SIGIRR: variants seen among roughly 807,000 people sequenced by gnomAD.
SIGIRR encodes the protein single Ig IL-1-related receptor.
Under a neutral mutation model 45.6 loss-of-function variants are expected in SIGIRR, and 41 were observed. The observed-to-expected ratio is 0.90, with a 90% CI of 0.70 to 1.17. SIGIRR has a LOEUF of 1.17. Ranked by LOEUF, SIGIRR falls within the 50% of genes most tolerant of loss-of-function variation. SIGIRR has a pLI of 0.00. For missense variants in SIGIRR, 599 were observed against 539.6 expected (o/e 1.11, Z -1.09); for synonymous variants, 298 against 239.0 (o/e 1.25, Z -2.28).
chr11:407,788 C>G (rs1220945063), intron 5 of SIGIRR, 29 bp downstream of exon 5: 1 of 1,611,552 alleles, frequency 6.2e-7, no homozygotes, highest in East Asian at 2.2e-5. Context: ...GTGGCGACCC[C>G]TCCTCGCGCC....
intron 8 of SIGIRR, 81 bp from the exon 9 acceptor site, chr11:406,619 G>A: frequency 6.7e-7 from 1 of 1,486,672 alleles, no homozygotes; most frequent in Non-Finnish European, 8.9e-7. Context: ...GCACACCTGC[G>A]GCTGCCCACG....
upstream of SIGIRR, among the ~76,000 whole-genome samples, chr11:415,685 G>GA (rs1847863069): frequency 1.3e-5 from 2 of 152,230 alleles, no homozygotes; most frequent in African/African-American, 4.8e-5. The surrounding 1 kb of genome is among the most constrained non-coding windows in gnomAD (Gnocchi z 6.6). Flanking sequence ...GCTGGGGTGG[G>GA]AGGGCAGCGC....
chr11:409,291 C>T (rs1305877181), intron 2 of SIGIRR: 2 of 371,926 alleles, frequency 5.4e-6, no homozygotes, highest in African/African-American at 4.2e-5. Context: ...TCAGCCTGGC[C>T]TGCCTCTGCT....
chr11:409,341 GA>G (rs1847488582), intron 2 of SIGIRR: 2 of 315,206 alleles, frequency 6.3e-6, no homozygotes, highest in Admixed American at 4.3e-5. Context: ...TGGGTTTGGG[GA>G]CCCAGATGCC....
chr11:406,290 C>A, intron 9 of SIGIRR, 59 bp downstream of exon 9: 1 of 1,579,034 alleles, frequency 6.3e-7, no homozygotes, highest in Admixed American at 1.8e-5. Context: ...CCTGTGCCTG[C>A]CCCCACTCCG....
chr11:405,828 T>C lies in SIGIRR; in HGVS notation c.*68A>G. 2 of 1,503,590 alleles carry C rather than the reference T, an allele frequency of 1.3e-6. No homozygotes were observed. Among genetic ancestry groups the C allele is most frequent in the South Asian group, 2.5e-5 (2 of 78,972 alleles). The allele number at this position is 1,503,590 out of a possible 1,614,324, so 93.1% of individuals were successfully genotyped here. The stretch of plus-strand genomic sequence containing the variant: ...CTGCTGGCAGGGGTTGTGGTCCTGT[T>C]GAGCAGAGGAGCGACGCCGCTGCCC... On this transcript the variant is annotated 3_prime_UTR_variant, in exon 10 of 10. Transcript: ENST00000431843.
In SIGIRR at chr11:414,815, G is replaced by A. The variant is rs1301071080; in HGVS notation, c.-154+8C>T. The A allele has an allele frequency of 1.2e-5, 12 of 985,412 alleles. No homozygotes were observed. The highest frequency in any genetic ancestry group is 1.4e-5 in the Non-Finnish European group (12 of 830,018). The allele number at this position is 985,412 out of a possible 1,614,324, so 61.0% of individuals were successfully genotyped here. A position where few individuals can be genotyped will look rare whatever the true frequency, so the allele number is the denominator to read the frequency against. ...AGGCTCACTCAGAGCAGCGGGGAAG[G>A]CAGTCACCTGGTTCCAGTTCTTTCC... On this transcript the variant is annotated splice_region_variant and intron_variant, in intron 1 of 9. Coordinates refer to ENST00000431843, the MANE Select transcript of SIGIRR (RefSeq NM_001135054.2).
Position 408,188 on chromosome 11 carries a change from T to G in SIGIRR, c.225A>C (p.Ser75=). The G allele has an allele frequency of 6.2e-7, 1 of 1,612,634 alleles. No homozygotes were observed. Among genetic ancestry groups the G allele is most frequent in the Non-Finnish European group, 8.5e-7 (1 of 1,179,918 alleles). The change falls in exon 4 of 10, where the codon TCA becomes TCC. Residue 75 remains serine (S), a synonymous_variant. Coordinates refer to ENST00000431843, the MANE Select transcript of SIGIRR (RefSeq NM_001135054.2). ...HEYSWVKANL[S]EVLVSSVLGV... is the part of the protein sequence containing the mutation. Reference sequence around the variant, plus strand: ...CCAGGACACTGGACACAAGCACCTCTGACAGGTTGGCCTTGACCCTGGGGA... The same window carrying G: ...CCAGGACACTGGACACAAGCACCTCGGACAGGTTGGCCTTGACCCTGGGGA...
chr11:408,112 G>C lies in SIGIRR; in HGVS notation c.301C>G (p.Gln101Glu), dbSNP rs762656806. Residue 101 changes from glutamine to glutamate, a missense_variant, in exon 4 of 10, where the codon CAG (glutamine) becomes GAG (glutamate). By Grantham distance (29) the Gln-to-Glu change is conservative. Coordinates refer to ENST00000431843, the MANE Select transcript of SIGIRR (RefSeq NM_001135054.2). ...EVYGAFTCSI[Q>E]NISFSSFTLQ... ...GTGAAGGAGGAGAAGCTGATGTTCTGGATGGAGCAGGTGAAGGCCCCATAG... is the reference window on the plus strand; with the variant it reads ...GTGAAGGAGGAGAAGCTGATGTTCTCGATGGAGCAGGTGAAGGCCCCATAG... 2.5e-6 allele frequency: 4 copies of C among 1,612,830 alleles called. No homozygotes were observed. Among genetic ancestry groups the C allele is most frequent in the Non-Finnish European group, 3.4e-6 (4 of 1,179,978 alleles).
chr11:412,734 G>T (rs1295728094), intron 1 of SIGIRR, among the ~76,000 whole-genome samples: 2 of 151,146 alleles, frequency 1.3e-5, no homozygotes, highest in Admixed American at 6.6e-5. Context: ...TCGAGGGGGG[G>T]TGCCCAGCTC....
At chr11:413,897 T>A (rs1234194798) in intron 1 of SIGIRR, among the ~76,000 whole-genome samples, 1 of 87,678 alleles carries the variant, frequency 1.1e-5, no homozygotes, top group Non-Finnish European at 2.3e-5. Flanking sequence ...CCTCCCCACC[T>A]TCCCCTGCAC....
Position 407,114 on chromosome 11 carries a change from C to T in SIGIRR, c.676G>A (p.Val226Met). Residue 226 changes from valine to methionine, a missense_variant, in exon 7 of 10, where the codon GTG (valine) becomes ATG (methionine). Val to Met is a conservative substitution (Grantham distance 21). Coordinates refer to ENST00000431843, the MANE Select transcript of SIGIRR (RefSeq NM_001135054.2). Reference protein sequence around the residue: ...VNLSRCRRLIVVLSDAFLSRA... With the variant: ...VNLSRCRRLIMVLSDAFLSRA... Reference sequence around the variant, plus strand: ...CTCAGGAAGGCGTCCGAAAGCACCACGATGAGGCGTCGGCAGCGGCTCAGG... The same window carrying T: ...CTCAGGAAGGCGTCCGAAAGCACCATGATGAGGCGTCGGCAGCGGCTCAGG... 1.3e-6 allele frequency: 2 copies of T among 1,543,306 alleles called. No individual in the cohort carries two copies. The highest frequency in any genetic ancestry group is 1.4e-5 in the African/African-American group (1 of 70,124).
At chr11:408,001 A>G (rs1294462362) in intron 4 of SIGIRR, 44 bp from the exon 5 acceptor site, 1 of 1,603,608 alleles carries the variant, frequency 6.2e-7, no homozygotes, top group Non-Finnish European at 8.5e-7. Flanking sequence ...AGCAGCCCCC[A>G]AGCCTCAAGA....
chr11:413,535 T>G (rs571226697), intron 1 of SIGIRR, among the ~76,000 whole-genome samples: 2 of 151,540 alleles, frequency 1.3e-5, no homozygotes, highest in East Asian at 3.9e-4. Context: ...GACCTCAAAG[T>G]CCTCCCTCCA....
chr11:408,763 T>C lies in SIGIRR; in HGVS notation c.138A>G (p.Ser46=), dbSNP rs1292555836. 3.7e-5 allele frequency: 60 copies of C among 1,612,642 alleles called. No homozygotes were observed. Among genetic ancestry groups the C allele is most frequent in the Non-Finnish European group, 5.1e-5 (60 of 1,179,974 alleles). ...VVSGPHCSLP[S]VQWLKDGLPL... is the part of the protein sequence containing the mutation. The stretch of plus-strand genomic sequence containing the variant: ...GAAGCCCGTCTTTCAGCCACTGGAC[T>C]GAAGGCAGGGAGCAGTGGGGCCCAG... The change falls in exon 3 of 10, where the codon TCA becomes TCG. Residue 46 remains serine (S), a synonymous_variant. Transcript: ENST00000431843.
At chr11:412,688 G>A (rs1310570049) in intron 1 of SIGIRR, among the ~76,000 whole-genome samples, 6 of 103,686 alleles carry the variant, frequency 5.8e-5, no homozygotes, top group South Asian at 4.5e-4. Flanking sequence ...CAGTCGGGGG[G>A]GGGGGGTGCC....
In SIGIRR at chr11:407,089, C is replaced by A; in HGVS notation, c.701G>T (p.Ser234Ile). 6.4e-7 allele frequency: 1 copy of A among 1,556,688 alleles called. No homozygotes were observed. Among genetic ancestry groups the A allele is most frequent in the South Asian group, 1.2e-5 (1 of 83,744 alleles). Residue 234 changes from serine (S) to isoleucine (I), a missense_variant, in exon 7 of 10, where the codon AGC (serine) becomes ATC (isoleucine). Physicochemically the swap from Ser to Ile is moderately radical, Grantham distance 142 (BLOSUM62 -2). Transcript: ENST00000431843. ...LIVVLSDAFLSRAWCSHSFRE... is the reference protein window; with the variant it reads ...LIVVLSDAFLIRAWCSHSFRE... ...GAAGCTGTGGCTGCACCAGGCCCGGCTCAGGAAGGCGTCCGAAAGCACCAC... is the reference window on the plus strand; with the variant it reads ...GAAGCTGTGGCTGCACCAGGCCCGGATCAGGAAGGCGTCCGAAAGCACCAC...
rs949175139 is a variant in SIGIRR, at chr11:414,775, G to A, written c.-154+48C>T. ...CTTGGGCGCCGTGGGCCTCCTCTCA[G>A]CCAGGCCCTGACACAGGCTCACTCA... is the stretch of plus-strand genomic sequence containing the variant. On this transcript the variant is annotated intron_variant, in intron 1 of 9. Coordinates refer to ENST00000431843, the MANE Select transcript of SIGIRR (RefSeq NM_001135054.2). 13 of 982,498 alleles carry A rather than the reference G, an allele frequency of 1.3e-5. No individual in the cohort carries two copies. In the Admixed American group the frequency reaches 3.1e-4, roughly 23 times the overall value. The allele number at this position is 982,498 out of a possible 1,614,324, so 60.9% of individuals were successfully genotyped here. A position where few individuals can be genotyped will look rare whatever the true frequency, so the allele number is the denominator to read the frequency against.
At chr11:409,468 C>T (rs1424774892) in intron 2 of SIGIRR, 7 of 281,756 alleles carry the variant, frequency 2.5e-5, no homozygotes, top group African/African-American at 6.5e-5. Context: ...CAAGCCCTCC[C>T]CACCACCTGA....
Sources: allele counts gnomAD v4.1 joint callset (sites outside exome capture counted in the v4.1 genomes callset), GRCh38; gene constraint gnomAD v4.1.1; non-coding constraint Gnocchi (gnomAD v3.1); transcripts MANE v1.5; gene names NCBI Gene and HGNC (gene_info 2026-07-23, HGNC 2026-07-21).